TRMT11: variants seen among roughly 807,000 people sequenced by gnomAD.
TRMT11 encodes tRNA methyltransferase 11, also known as tRNA (guanine(10)-N(2))-methyltransferase TRMT11.
In TRMT11, 53 loss-of-function variants were observed where a neutral mutation model predicts 62.8. The ratio of observed to expected loss-of-function variants is 0.84; its 90% CI spans 0.68 to 1.06. TRMT11 has a LOEUF of 1.06. Among genes scored for constraint, TRMT11 ranks in the 50% least tolerant of loss-of-function variants. The pLI, the probability that TRMT11 is intolerant of heterozygous loss-of-function variation, is 0.00. For synonymous variants in TRMT11, 188 were observed against 190.3 expected (o/e 0.99, Z 0.10); for missense variants, 556 against 553.4 (o/e 1.00, Z -0.05).
At chr6:126,113,711 C>T (rs892769068) in intron 18 of TRMT11, among the ~76,000 whole-genome samples, 4 of 152,088 alleles carry the variant, frequency 2.6e-5, no homozygotes, top group African/African-American at 9.7e-5. Context: ...TTTTATCCAT[C>T]TGCTTTGTGT....
the TRMT11 span, among the ~76,000 whole-genome samples, chr6:126,242,036 C>G: frequency 6.6e-6 from 1 of 152,182 alleles, no homozygotes; most frequent in Admixed American, 6.5e-5. Flanking sequence ...TAGAAAACCC[C>G]ATCGTCTCAG....
chr6:126,118,207 G>A (rs1777611870), intron 21 of TRMT11, among the ~76,000 whole-genome samples: 1 of 152,012 alleles, frequency 6.6e-6, no homozygotes. Flanking sequence ...AACATTGAAC[G>A]ATTAAGTGGC....
chr6:126,266,604 C>A, the TRMT11 span, among the ~76,000 whole-genome samples: 2 of 152,112 alleles, frequency 1.3e-5, no homozygotes, highest in South Asian at 4.1e-4. Context: ...TAAAAGCTAT[C>A]CATCTTTTTC....
At chr6:126,238,201 T>G in the TRMT11 span, among the ~76,000 whole-genome samples, 1 of 152,196 alleles carries the variant, frequency 6.6e-6, no homozygotes, top group African/African-American at 2.4e-5. Context: ...TTTTTGTGTC[T>G]CTATCTCCTT....
intron 17 of TRMT11, among the ~76,000 whole-genome samples, chr6:126,055,407 T>TAA (rs544420981): frequency 5.5e-4 from 84 of 152,332 alleles, no homozygotes; most frequent in Admixed American, 3.0e-3. Flanking sequence ...ATGCCTGGCA[T>TAA]ATGCCAGCCA....
In TRMT11 at chr6:125,995,964, T is replaced by C; in HGVS notation, c.139-3T>C. The stretch of plus-strand genomic sequence containing the variant: ...TTAAGTTGCATATTGTTATTTCTTT[T>C]AGTCACCATTTTGGATTCTTAGCAT... On this transcript the variant is annotated splice_region_variant and splice_polypyrimidine_tract_variant and intron_variant, in intron 2 of 12. Transcript: ENST00000334379. 1.3e-6 allele frequency: 2 copies of C among 1,592,324 alleles called. No individual in the cohort carries two copies. The highest frequency in any genetic ancestry group is 1.1e-5 in the South Asian group (1 of 90,602).
Position 126,011,331 on chromosome 6 carries a change from A to G in TRMT11, c.839A>G (p.Glu280Gly). The change falls in exon 9 of 13, where the codon GAG becomes GGG. Residue 280 changes from glutamate (E) to glycine (G), a missense_variant. Physicochemically the swap from Glu to Gly is moderately conservative, Grantham distance 98. Coordinates refer to ENST00000334379, the MANE Select transcript of TRMT11 (RefSeq NM_001031712.3). ...IRANLRQYGL[E>G]KYYLDVLVSD... ...GCCAATCTTCGTCAATATGGTTTAGAGAAGTATTACCTTGATGTCCTGGTT... is the reference window on the plus strand; with the variant it reads ...GCCAATCTTCGTCAATATGGTTTAGGGAAGTATTACCTTGATGTCCTGGTT... 3 of 1,613,472 alleles carry G rather than the reference A, an allele frequency of 1.9e-6. No individual in the cohort carries two copies. Among genetic ancestry groups the G allele is most frequent in the Non-Finnish European group, 2.5e-6 (3 of 1,179,572 alleles).
At chr6:126,035,773 C>T (rs1324870393) in intron 12 of TRMT11, among the ~76,000 whole-genome samples, 1 of 152,106 alleles carries the variant, frequency 6.6e-6, no homozygotes, top group Non-Finnish European at 1.5e-5. Flanking sequence ...TTGGATTTTT[C>T]AGGCTTTTGC....
intron 8 of TRMT11, 41 bp downstream of exon 8, chr6:126,008,513 G>T (rs1793705272): frequency 1.3e-6 from 2 of 1,517,066 alleles, no homozygotes; most frequent in South Asian, 1.1e-5. Flanking sequence ...CATTGCTGTG[G>T]TGCCAAATGT....
chr6:126,094,493 C>A (rs1177584340), intron 17 of TRMT11, among the ~76,000 whole-genome samples: 1 of 152,166 alleles, frequency 6.6e-6, no homozygotes, highest in African/African-American at 2.4e-5. Flanking sequence ...CATTCTTGAT[C>A]TTGCCATAGA....
intron 1 of TRMT11, among the ~76,000 whole-genome samples, chr6:125,989,580 C>T (rs6900105): frequency 0.71 from 107,458 of 152,054 alleles, 38,524 homozygotes; most frequent in East Asian, 0.95. Flanking sequence ...AGGAGTGTGA[C>T]TGTGTAAAGT....
At chr6:126,002,803 T>A (rs1792731596) in intron 7 of TRMT11, among the ~76,000 whole-genome samples, 1 of 152,126 alleles carries the variant, frequency 6.6e-6, no homozygotes, top group South Asian at 2.1e-4. Flanking sequence ...ACTTCATTGT[T>A]TTCTAGTTGA....
At chr6:126,024,688 A>T (rs1408763380) in intron 12 of TRMT11, among the ~76,000 whole-genome samples, 2 of 152,230 alleles carry the variant, frequency 1.3e-5, no homozygotes, top group Non-Finnish European at 2.9e-5. Flanking sequence ...GTAGAACAGA[A>T]TTCATTCCAT....
At chr6:126,041,097 A>G (rs920417426), downstream of TRMT11, among the ~76,000 whole-genome samples, 4 of 152,126 alleles carry the variant, frequency 2.6e-5, no homozygotes, top group Non-Finnish European at 5.9e-5. Context: ...CAGTATTGCC[A>G]CTATTTCCTT....
chr6:126,171,984 G>T (rs1778335157), intron 21 of TRMT11, among the ~76,000 whole-genome samples: 1 of 152,042 alleles, frequency 6.6e-6, no homozygotes, highest in Non-Finnish European at 1.5e-5. Context: ...CTCCCAAACG[G>T]CTGGGATTAC....
chr6:126,207,291 T>C (rs994884541), downstream of TRMT11, among the ~76,000 whole-genome samples: 1 of 152,170 alleles, frequency 6.6e-6, no homozygotes, highest in African/African-American at 2.4e-5. Flanking sequence ...GAAGGGGTAT[T>C]GTCCCTGGAT....
chr6:126,103,847 T>C (rs1405314236), intron 17 of TRMT11, among the ~76,000 whole-genome samples: 2 of 152,222 alleles, frequency 1.3e-5, no homozygotes, highest in Non-Finnish European at 2.9e-5. Context: ...AGTGACTTCC[T>C]ATCTCCTTTG....
At chr6:126,009,027 G>A (rs1055234139) in intron 8 of TRMT11, among the ~76,000 whole-genome samples, 2 of 151,840 alleles carry the variant, frequency 1.3e-5, no homozygotes, top group African/African-American at 4.8e-5. Flanking sequence ...CTCTCAGAGG[G>A]CTTTAAGGAA....
At chr6:126,087,539 G>T (rs1777228760) in intron 17 of TRMT11, among the ~76,000 whole-genome samples, 1 of 152,200 alleles carries the variant, frequency 6.6e-6, no homozygotes, top group South Asian at 2.1e-4. Flanking sequence ...CTATAGGATT[G>T]CTTCTTTGTT....
Sources: allele counts gnomAD v4.1 joint callset (sites outside exome capture counted in the v4.1 genomes callset), GRCh38; gene constraint gnomAD v4.1.1; transcripts MANE v1.5; gene names NCBI Gene and HGNC (gene_info 2026-07-23, HGNC 2026-07-21).